Variants in PLEKHG5 observed in about 807,000 individuals in gnomAD.
The protein encoded by PLEKHG5 is pleckstrin homology domain-containing family G member 5.
A neutral mutation model predicts 103.8 loss-of-function variants in PLEKHG5; 52 were observed. The observed-to-expected ratio is 0.50, with a 90% CI of 0.40 to 0.63. The LOEUF is 0.63. Among genes scored for constraint, PLEKHG5 ranks in the 30% least tolerant of loss-of-function variants. The pLI is 0.00. For synonymous variants in PLEKHG5, 592 were observed against 575.5 expected (o/e 1.03, Z -0.41); for missense variants, 1,205 against 1,347.6 (o/e 0.89, Z 1.66).
upstream of PLEKHG5, chr1:6,496,959 G>A: frequency 6.5e-7 from 1 of 1,529,296 alleles, no homozygotes; most frequent in Non-Finnish European, 8.7e-7. Flanking sequence ...AGAACCTTAC[G>A]CCCTGCATCG....
intron 4 of PLEKHG5, 80 bp from the exon 5 acceptor site, chr1:6,475,218 A>G (rs994906161): frequency 9.4e-5 from 25 of 265,230 alleles, no homozygotes; most frequent in East Asian, 1.4e-4. Flanking sequence ...CCTCCTTCCC[A>G]CCCTCCTTCC....
intron 19 of PLEKHG5, 146 bp from the exon 20 acceptor site, chr1:6,468,732 G>A: frequency 1.2e-6 from 1 of 858,500 alleles, no homozygotes; most frequent in Non-Finnish European, 1.9e-6. Flanking sequence ...AGGTGTGGCA[G>A]ATCTTCCAGC....
intron 1 of PLEKHG5, among the ~76,000 whole-genome samples, chr1:6,506,642 C>T (rs1388764317): frequency 6.6e-6 from 1 of 152,234 alleles, no homozygotes; most frequent in Non-Finnish European, 1.5e-5. Context: ...AACAGAAGCA[C>T]CTGTGGGGAC....
upstream of PLEKHG5, among the ~76,000 whole-genome samples, chr1:6,492,286 G>A (rs1645161512): frequency 2.0e-5 from 3 of 152,062 alleles, no homozygotes; most frequent in Admixed American, 6.5e-5. Context: ...TGTGGCCCAG[G>A]GCCACAAGTG....
At chr1:6,512,716 G>A (rs1415777012) in intron 1 of PLEKHG5, among the ~76,000 whole-genome samples, 1 of 152,146 alleles carries the variant, frequency 6.6e-6, no homozygotes, top group Non-Finnish European at 1.5e-5. Flanking sequence ...GGCCACCACC[G>A]CCCTGCCTCA....
Position 6,469,629 on chromosome 1 carries a change from T to C in PLEKHG5, c.1848A>G (p.Lys616=), listed in dbSNP as rs2148579848. The change falls in exon 17 of 21, where the codon AAA becomes AAG. Residue 616 remains lysine (K), a synonymous_variant. Coordinates refer to ENST00000377728, the MANE Select transcript of PLEKHG5 (RefSeq NM_020631.6). ...TGGTCCTCTCTGCCTTCTTCACTGCTTTGGTCACCAACAGCAGATCCGTGA... is the reference window on the plus strand; with the variant it reads ...TGGTCCTCTCTGCCTTCTTCACTGCCTTGGTCACCAACAGCAGATCCGTGA... The part of the protein sequence containing the change: ...FLFTDLLLVT[K]AVKKAERTRV... 1 of 1,613,742 alleles carries C rather than the reference T, an allele frequency of 6.2e-7. No homozygotes were observed. The highest frequency in any genetic ancestry group is 8.5e-7 in the Non-Finnish European group (1 of 1,180,028).
rs1001689059 is a variant in PLEKHG5 at position 6,479,704 on chromosome 1, G to A, written c.-87-2046C>T. Among the ~76,000 whole-genome samples, 13 of 151,710 alleles carry A rather than the reference G, an allele frequency of 8.6e-5. 1 individual carries two copies. The highest frequency in any genetic ancestry group is 2.6e-4 in the Admixed American group (4 of 15,234). On this transcript the variant is annotated intron_variant, in intron 1 of 20. Coordinates refer to ENST00000377728, the MANE Select transcript of PLEKHG5 (RefSeq NM_020631.6). The stretch of plus-strand genomic sequence containing the variant: ...CAGCTCACTGCAACCTCAACCTCCC[G>A]GACTCAAGTAATCCTCCTGCCTTAG...
rs1439276252 is a variant in PLEKHG5, at chr1:6,467,853, G to A, written c.2983C>T (p.Leu995=). The A allele has an allele frequency of 6.2e-7, 1 of 1,613,150 alleles. No homozygotes were observed. The highest frequency in any genetic ancestry group is 1.3e-5 in the African/African-American group (1 of 74,928). ...LAQLYRIRTT[L]LLNSTLTASE... is the part of the protein sequence containing the mutation. ...GCAGTGAGCGTGGAGTTAAGCAGCA[G>A]GGTGGTCCTGATTCGGTAGAGCTGG... The change falls in exon 20 of 21, where the codon CTG becomes TTG. Residue 995 remains leucine (L), a synonymous_variant. Transcript: ENST00000377728.
chr1:6,473,436 T>TGCG lies in PLEKHG5; in HGVS notation c.607_609dup (p.Arg203dup), dbSNP rs1273891514. On this transcript the variant is annotated inframe_insertion, in exon 8 of 21. Coordinates refer to ENST00000377728, the MANE Select transcript of PLEKHG5 (RefSeq NM_020631.6). ...TCCCCCAGGAACTCCGACATGTTCT[T>TGCG]GCGGCGGCGGCCAGGGGCCTGGTCA... The TGCG allele has an allele frequency of 2.6e-6, 4 of 1,535,214 alleles. No individual in the cohort carries two copies. The highest frequency in any genetic ancestry group is 2.4e-5 in the South Asian group (2 of 83,140).
chr1:6,507,600 A>T lies in PLEKHG5; in HGVS notation c.-164-11031T>A, dbSNP rs112701566. ...CAAGGCCCAGGCAGAGGGAGCTGGC[A>T]GCAGAAGGCTCTGTTTCCGGGGGGC... On this transcript the variant is annotated intron_variant, in intron 1 of 21. Transcript: ENST00000377740. Among the ~76,000 whole-genome samples the T allele has an allele frequency of 7.1e-3, 1,074 of 152,140 alleles. 11 individuals are homozygous for T. Among genetic ancestry groups the T allele is most frequent in the African/African-American group, 0.024 (992 of 41,544 alleles).
chr1:6,468,785 T>C (rs899395939), intron 19 of PLEKHG5, among the ~76,000 whole-genome samples, 199 bp from the exon 20 acceptor site: 1 of 152,144 alleles, frequency 6.6e-6, no homozygotes, highest in African/African-American at 2.4e-5. Context: ...CCAGCACTCT[T>C]CCCTGCCAAG....
At chr1:6,497,132 GA>G, upstream of PLEKHG5, 2 of 1,161,434 alleles carry the variant, frequency 1.7e-6, no homozygotes, top group Non-Finnish European at 1.2e-6. This position sits in a 1 kb window ranked among gnomAD's most constrained non-coding sequence, Gnocchi z 6.1. Context: ...GAGGCGGGGG[GA>G]GGGAGGAGAA....
At chr1:6,518,155 A>C (rs55665113) in intron 1 of PLEKHG5, among the ~76,000 whole-genome samples, 20,144 of 150,822 alleles carry the variant, frequency 0.13, 1,707 homozygotes, top group African/African-American at 0.24. Context: ...GATGGTCTTG[A>C]TCTCCTGACC....
chr1:6,516,824 G>GTA (rs1290212911), intron 1 of PLEKHG5, among the ~76,000 whole-genome samples: 8 of 142,442 alleles, frequency 5.6e-5, no homozygotes, highest in Non-Finnish European at 1.2e-4. Context: ...ATATATATGT[G>GTA]TATATATGTG....
intron 16 of PLEKHG5, 39 bp from the exon 17 acceptor site, chr1:6,469,715 A>C (rs1644511268): frequency 1.2e-6 from 2 of 1,606,622 alleles, no homozygotes; most frequent in South Asian, 2.2e-5. Flanking sequence ...AGAGGCCAGC[A>C]GGGTCAGGGC....
intron 1 of PLEKHG5, among the ~76,000 whole-genome samples, chr1:6,512,172 G>A (rs1011663495): frequency 5.9e-5 from 9 of 152,176 alleles, no homozygotes; most frequent in Admixed American, 1.3e-4. Context: ...CATGTCGCTC[G>A]GAAGGGGTTG....
upstream of PLEKHG5, among the ~76,000 whole-genome samples, chr1:6,496,206 C>T (rs978527417): frequency 2.6e-5 from 4 of 152,238 alleles, no homozygotes; most frequent in African/African-American, 7.2e-5. Flanking sequence ...AAGGCTACAG[C>T]TCCTGTCACC....
intron 1 of PLEKHG5, among the ~76,000 whole-genome samples, chr1:6,489,250 C>T (rs781706223): frequency 4.6e-5 from 7 of 152,212 alleles, no homozygotes; most frequent in South Asian, 4.1e-4. Flanking sequence ...CCAGCCAGGG[C>T]GGGGTGGCTT....
chr1:6,486,498 G>T lies in PLEKHG5; in HGVS notation c.-88+5139C>A, dbSNP rs932134475. On this transcript the variant is annotated intron_variant, in intron 1 of 20. Coordinates refer to ENST00000377728, the MANE Select transcript of PLEKHG5 (RefSeq NM_020631.6). This position sits in a 1 kb window ranked among gnomAD's most constrained non-coding sequence, Gnocchi z 5.3. ...CCAAAGGCCGGTGGCCTCTGGAAAGGGCCGTGGGCAGAAGGCGGGCTGCTC... is the reference window on the plus strand; with the variant it reads ...CCAAAGGCCGGTGGCCTCTGGAAAGTGCCGTGGGCAGAAGGCGGGCTGCTC... Among the ~76,000 whole-genome samples, 25 of 152,238 alleles carry T rather than the reference G, an allele frequency of 1.6e-4. No homozygotes were observed. Among genetic ancestry groups the T allele is most frequent in the African/African-American group, 6.0e-4 (25 of 41,462 alleles).
Sources: gnomAD v4.1 joint callset for allele counts (sites outside exome capture counted in the v4.1 genomes callset) on GRCh38, gnomAD v4.1.1 for gene constraint, Gnocchi (gnomAD v3.1) non-coding constraint, MANE v1.5 for transcripts, NCBI Gene and HGNC (gene_info 2026-07-23, HGNC 2026-07-21) for gene names.